C4orf50: variants seen among roughly 807,000 people sequenced by gnomAD.
C4orf50 encodes chromosome 4 open reading frame 50, also known as uncharacterized protein C4orf50.
A neutral mutation model predicts 77.2 loss-of-function variants in C4orf50; 80 were observed. The ratio of observed to expected loss-of-function variants is 1.04; its 90% CI spans 0.87 to 1.25. The LOEUF (loss-of-function observed/expected upper bound fraction) is 1.25, where lower values mean the gene tolerates loss of function less well. Ranked by LOEUF, C4orf50 falls within the 50% of genes most tolerant of loss-of-function variation. C4orf50 has a pLI of 0.00. For synonymous variants in C4orf50, 532 were observed against 465.3 expected, an observed-to-expected ratio of 1.14 and a Z score of -1.84; for missense variants, 1,257 against 1,152.9, an observed-to-expected ratio of 1.09 and a Z score of -1.31.
At chr4:5,983,235 G>A (rs1302171635) in intron 28 of C4orf50, among the ~76,000 whole-genome samples, 1 of 152,134 alleles carries the variant, frequency 6.6e-6, no homozygotes, top group Non-Finnish European at 1.5e-5. Flanking sequence ...GGTATAAACT[G>A]GGTCACATCA....
intron 7 of C4orf50, among the ~76,000 whole-genome samples, chr4:5,945,513 G>A (rs933363799): frequency 7.9e-5 from 12 of 152,126 alleles, no homozygotes; most frequent in Admixed American, 2.0e-4. Context: ...CCTGCAGATC[G>A]GAGACCCACA....
chr4:5,924,757 T>C (rs1054748838), intron 7 of C4orf50, among the ~76,000 whole-genome samples: 1 of 152,162 alleles, frequency 6.6e-6, no homozygotes, highest in Non-Finnish European at 1.5e-5. Flanking sequence ...TTGCACAATA[T>C]GAAGCGGCTT....
At position 6,011,542 on chromosome 4, in the gene C4orf50, A is replaced by G. The variant is rs1351493233; in HGVS notation, c.426+288T>C. ...TCCCCCATCTGCATAAGAGCTCCGG[A>G]CCCCAGGAGCCCTGCATCAGCCAAC... On this transcript the variant is annotated intron_variant, in intron 24 of 33. Transcript: ENST00000531445. This position sits in a 1 kb window ranked among gnomAD's most constrained non-coding sequence, Gnocchi z 4.2. Among the ~76,000 whole-genome samples, 3 of 151,684 alleles carry G rather than the reference A, an allele frequency of 2.0e-5. No homozygotes were observed. The highest frequency in any genetic ancestry group is 4.4e-5 in the Non-Finnish European group (3 of 67,922).
At chr4:6,010,082 T>C (rs1722429399) in intron 24 of C4orf50, among the ~76,000 whole-genome samples, 1 of 152,190 alleles carries the variant, frequency 6.6e-6, no homozygotes, top group East Asian at 1.9e-4. Context: ...CTCATCACAC[T>C]GTGAACATCA....
intron 25 of C4orf50, among the ~76,000 whole-genome samples, chr4:5,995,185 G>A (rs896033085): frequency 6.6e-6 from 1 of 152,114 alleles, no homozygotes; most frequent in Non-Finnish European, 1.5e-5. Flanking sequence ...TGGGGGCAGT[G>A]AGTCACCCCG....
rs1282470863 is a variant in C4orf50, at chr4:5,970,933, T to C, written c.4104+2726A>G. Among the ~76,000 whole-genome samples, 7 of 152,124 alleles carry C rather than the reference T, an allele frequency of 4.6e-5. No individual in the cohort carries two copies. The highest frequency in any genetic ancestry group is 1.7e-4 in the African/African-American group (7 of 41,436). On this transcript the variant is annotated intron_variant, in intron 31 of 33. Coordinates refer to ENST00000531445, the Ensembl canonical transcript of C4orf50. The surrounding 1 kb of genome is among the most constrained non-coding windows in gnomAD (Gnocchi z 4.3). ...AGGGCAGCATGAGTCTTGGCCACCA[T>C]GACTTGGCTGGATAAATGAAGGCAG...
chr4:5,928,363 TACACACACACACACATACACAC>T (rs1241803816), intron 7 of C4orf50, among the ~76,000 whole-genome samples: 2 of 146,468 alleles, frequency 1.4e-5, no homozygotes, highest in East Asian at 4.0e-4. Context: ...CACACACACA[TACACACACACACACATACACAC>T]ACACACACAC....
At chr4:5,945,015 T>G (rs1185925301) in intron 7 of C4orf50, among the ~76,000 whole-genome samples, 1 of 151,842 alleles carries the variant, frequency 6.6e-6, no homozygotes, top group Non-Finnish European at 1.5e-5. Flanking sequence ...AGTGGCATGG[T>G]TGGAATTCAC....
At chr4:5,937,635 G>T (rs1263115228) in intron 7 of C4orf50, among the ~76,000 whole-genome samples, 2 of 152,078 alleles carry the variant, frequency 1.3e-5, no homozygotes, top group Non-Finnish European at 2.9e-5. Context: ...AAAAGACAAG[G>T]ATTGTTGTAA....
chr4:5,980,287 G>C (rs779476540), exon 29 of C4orf50: 3 of 1,612,864 alleles, frequency 1.9e-6, no homozygotes, highest in Non-Finnish European at 2.5e-6. Flanking sequence ...TGGAGCTGCT[G>C]GGCCCGCAGC....
chr4:5,922,090 C>T (rs1717300770), intron 7 of C4orf50, among the ~76,000 whole-genome samples: 1 of 152,148 alleles, frequency 6.6e-6, no homozygotes, highest in Non-Finnish European at 1.5e-5. Context: ...CTTGAGAGAT[C>T]CCAGGGTGGC....
chr4:5,998,767 G>A (rs1435672295), intron 25 of C4orf50, among the ~76,000 whole-genome samples: 1 of 152,230 alleles, frequency 6.6e-6, no homozygotes, highest in Non-Finnish European at 1.5e-5. Flanking sequence ...AGCTTTTGGA[G>A]GGCAAGGTTC....
Position 6,003,801 on chromosome 4 carries a change from ATGG to A in C4orf50, c.963+4192_963+4194del, listed in dbSNP as rs1560597844. On this transcript the variant is annotated intron_variant, in intron 25 of 33. Coordinates refer to ENST00000531445, the Ensembl canonical transcript of C4orf50. ...GATGATGGTGATGGTGATGATGGTG[ATGG>A]TGATGATGGTGATGATGGTGATGGT... Among the ~76,000 whole-genome samples the A allele has an allele frequency of 5.9e-3, 804 of 136,748 alleles. 22 individuals carry two copies. Among genetic ancestry groups the A allele is most frequent in the African/African-American group, 0.021 (726 of 35,248 alleles). 89.7% of individuals were successfully genotyped at this position (136,748 alleles called of 152,430 possible). A position where few individuals can be genotyped will look rare whatever the true frequency, so the allele number is the denominator to read the frequency against.
In C4orf50 at chr4:5,905,617, G is replaced by GT. The variant is rs1399350957; in HGVS notation, c.*2475-7430_*2475-7429insA. ...TGGAGTATCTATCATACAATTATCA[G>GT]CTTGCTTTCCAGGAAAGAATCTTAG... On this transcript the variant is annotated intron_variant, in intron 7 of 7. Transcript: ENST00000324058. This position sits in a 1 kb window ranked among gnomAD's most constrained non-coding sequence, Gnocchi z 5.4. 1.3e-5 allele frequency among the ~76,000 whole-genome samples: 2 copies of GT among 152,176 alleles called. No individual in the cohort carries two copies. Among genetic ancestry groups the GT allele is most frequent in the African/African-American group, 4.8e-5 (2 of 41,430 alleles).
At chr4:5,988,030 C>A (rs1720973166) in intron 28 of C4orf50, among the ~76,000 whole-genome samples, 2 of 152,226 alleles carry the variant, frequency 1.3e-5, no homozygotes, top group South Asian at 4.1e-4. Context: ...AAGGGCTGAT[C>A]TTAAAGTGTG....
intron 25 of C4orf50, among the ~76,000 whole-genome samples, chr4:6,003,896 A>G (rs1346991404): frequency 1.9e-4 from 15 of 78,224 alleles, no homozygotes; most frequent in African/African-American, 4.0e-4. Context: ...TATGGTGATG[A>G]TGTGATGGTG....
chr4:6,013,536 T>G (rs968837219), intron 23 of C4orf50, among the ~76,000 whole-genome samples: 1 of 152,196 alleles, frequency 6.6e-6, no homozygotes, highest in African/African-American at 2.4e-5. Context: ...CTGGAACCTA[T>G]GAATGTTACC....
intron 31 of C4orf50, among the ~76,000 whole-genome samples, chr4:5,967,904 G>A (rs939269947): frequency 6.6e-6 from 1 of 152,220 alleles, no homozygotes; most frequent in Non-Finnish European, 1.5e-5. Flanking sequence ...TCCTGGTTCC[G>A]CATTGCACGG....
Position 6,007,509 on chromosome 4 carries a change from C to T in C4orf50, c.963+487G>A, listed in dbSNP as rs1722293523. Among the ~76,000 whole-genome samples, 1 of 152,140 alleles carries T rather than the reference C, an allele frequency of 6.6e-6. No individual in the cohort carries two copies. The highest frequency in any genetic ancestry group is 2.4e-5 in the African/African-American group (1 of 41,416). On this transcript the variant is annotated intron_variant, in intron 25 of 33. Coordinates refer to ENST00000531445, the Ensembl canonical transcript of C4orf50. This position sits in a 1 kb window ranked among gnomAD's most constrained non-coding sequence, Gnocchi z 4.1. ...GGTGCCTTGATCTTGGACCTCCAGC[C>T]TCCAAAAGTGTGAAAAATAAGTTTC...
Sources: gnomAD v4.1 joint callset for allele counts (sites outside exome capture counted in the v4.1 genomes callset) on GRCh38, gnomAD v4.1.1 for gene constraint, Gnocchi (gnomAD v3.1) non-coding constraint, MANE v1.5 for transcripts, NCBI Gene and HGNC (gene_info 2026-07-23, HGNC 2026-07-21) for gene names.